Variants in CAMKMT observed in about 807,000 individuals in gnomAD.
CAMKMT encodes the protein CaM KMT.
A neutral mutation model predicts 48.0 loss-of-function variants in CAMKMT; 53 were observed. The observed-to-expected ratio is 1.10, with a 90% confidence interval of 0.89 to 1.39. The LOEUF (loss-of-function observed/expected upper bound fraction) is 1.39, where lower values mean the gene tolerates loss of function less well. Ranked by LOEUF, CAMKMT falls within the 40% of genes most tolerant of loss-of-function variation. The pLI, the probability that CAMKMT is intolerant of heterozygous loss-of-function variation, is 0.00. For missense variants in CAMKMT, 428 were observed against 402.7 expected, an observed-to-expected ratio of 1.06 and a Z score of -0.54; for synonymous variants, 165 against 152.3, an observed-to-expected ratio of 1.08 and a Z score of -0.61.
chr2:44,652,387 T>C (rs1304847310), intron 3 of CAMKMT, among the ~76,000 whole-genome samples: 1 of 152,216 alleles, frequency 6.6e-6, no homozygotes, highest in African/African-American at 2.4e-5. Context: ...ACCCCTAGCA[T>C]GTTTCCTAGG....
chr2:44,477,106 C>T (rs1466805147), intron 3 of CAMKMT, among the ~76,000 whole-genome samples: 2 of 152,096 alleles, frequency 1.3e-5, no homozygotes, highest in East Asian at 3.8e-4. Context: ...GCATGTATTA[C>T]CACATACAAT....
At chr2:44,387,921 C>T (rs926925582) in intron 2 of CAMKMT, among the ~76,000 whole-genome samples, 1 of 152,140 alleles carries the variant, frequency 6.6e-6, no homozygotes, top group Non-Finnish European at 1.5e-5. Context: ...ATAGGATTTT[C>T]TTTATAGGTT....
chr2:44,414,871 A>G (rs183025837), intron 3 of CAMKMT, among the ~76,000 whole-genome samples: 2 of 152,328 alleles, frequency 1.3e-5, no homozygotes, highest in African/African-American at 2.4e-5. Context: ...TTTTTAAAAA[A>G]TCGGCCAGGC....
intron 6 of CAMKMT, among the ~76,000 whole-genome samples, chr2:44,712,240 G>A (rs1291470693): frequency 6.6e-6 from 1 of 151,576 alleles, no homozygotes. Flanking sequence ...CTCATTTTTG[G>A]TATTCCAGCG....
At chr2:44,706,218 A>C in intron 4 of CAMKMT, 69 bp from the exon 5 acceptor site, 2 of 1,523,962 alleles carry the variant, frequency 1.3e-6, no homozygotes, top group Non-Finnish European at 1.8e-6. Flanking sequence ...TGTTCTTGTA[A>C]CATATATCTC....
At chr2:44,639,185 T>C (rs1426052824) in intron 3 of CAMKMT, among the ~76,000 whole-genome samples, 1 of 152,236 alleles carries the variant, frequency 6.6e-6, no homozygotes. Context: ...ACAAAGTTAA[T>C]TCAGGTCAGG....
At chr2:44,454,503 G>C (rs1239393466) in intron 3 of CAMKMT, among the ~76,000 whole-genome samples, 2 of 152,042 alleles carry the variant, frequency 1.3e-5, no homozygotes, top group Non-Finnish European at 2.9e-5. Flanking sequence ...CTTTGTTCAT[G>C]GGTCTTCATT....
chr2:44,746,315 A>T (rs2104378586), intron 8 of CAMKMT, among the ~76,000 whole-genome samples: 1 of 152,352 alleles, frequency 6.6e-6, no homozygotes, highest in South Asian at 2.1e-4. Context: ...TCACAAACCT[A>T]TTCCAAACCC....
chr2:44,658,450 A>G (rs1188355441), intron 3 of CAMKMT, among the ~76,000 whole-genome samples: 2 of 152,192 alleles, frequency 1.3e-5, no homozygotes, highest in Non-Finnish European at 2.9e-5. Context: ...TGGAGAGTAG[A>G]GCTGACTCTG....
chr2:44,519,005 A>G (rs1323776830), intron 3 of CAMKMT, among the ~76,000 whole-genome samples: 2 of 152,260 alleles, frequency 1.3e-5, no homozygotes, highest in East Asian at 3.8e-4. Flanking sequence ...TGTCTAAAAA[A>G]TAAACAGGTA....
intron 3 of CAMKMT, among the ~76,000 whole-genome samples, chr2:44,571,824 T>TA (rs777012896): frequency 4.6e-5 from 7 of 151,934 alleles, no homozygotes; most frequent in Non-Finnish European, 4.4e-5. Context: ...AAATAAAAAT[T>TA]AAAAACTAAA....
At chr2:44,610,197 A>G (rs1671523688) in intron 3 of CAMKMT, among the ~76,000 whole-genome samples, 1 of 152,180 alleles carries the variant, frequency 6.6e-6, no homozygotes, top group African/African-American at 2.4e-5. Flanking sequence ...GTCTCTGAGG[A>G]AAAAAGGAAA....
At chr2:44,524,038 A>G (rs1022340130) in intron 3 of CAMKMT, among the ~76,000 whole-genome samples, 6 of 152,022 alleles carry the variant, frequency 3.9e-5, no homozygotes, top group Non-Finnish European at 4.4e-5. Flanking sequence ...CGGCCTCCCA[A>G]AGTGCTGGGA....
chr2:44,397,908 T>C (rs1040385964), intron 3 of CAMKMT, among the ~76,000 whole-genome samples: 9 of 152,362 alleles, frequency 5.9e-5, no homozygotes, highest in African/African-American at 2.2e-4. Context: ...AGGTAGCTCA[T>C]GTCTTTGTCA....
intron 3 of CAMKMT, among the ~76,000 whole-genome samples, chr2:44,584,782 C>A (rs529358707): frequency 6.6e-6 from 1 of 151,936 alleles, no homozygotes; most frequent in Admixed American, 6.6e-5. Flanking sequence ...AGGCCGGGTG[C>A]GGTGGCTCAC....
At chr2:44,700,573 T>C (rs1677201133) in intron 3 of CAMKMT, among the ~76,000 whole-genome samples, 2 of 152,028 alleles carry the variant, frequency 1.3e-5, no homozygotes, top group South Asian at 2.1e-4. Context: ...GGGAGAGAGA[T>C]GGGGGAATGC....
At chr2:44,583,303 C>A (rs1162734180) in intron 3 of CAMKMT, among the ~76,000 whole-genome samples, 1 of 152,032 alleles carries the variant, frequency 6.6e-6, no homozygotes, top group Non-Finnish European at 1.5e-5. Flanking sequence ...TCAAAGAGCT[C>A]ATGATGAGAA....
intron 3 of CAMKMT, among the ~76,000 whole-genome samples, chr2:44,461,753 G>C (rs1469919957): frequency 6.6e-6 from 1 of 152,074 alleles, no homozygotes; most frequent in Admixed American, 6.5e-5. Flanking sequence ...ATGTTTTTCT[G>C]GTGCCCTAAA....
chr2:44,767,983 A>C (rs1049143359), intron 10 of CAMKMT, among the ~76,000 whole-genome samples: 9 of 152,172 alleles, frequency 5.9e-5, no homozygotes, highest in Non-Finnish European at 7.4e-5. Flanking sequence ...GACGTTCAGC[A>C]TTGTGCCTGA....
Sources: allele counts gnomAD v4.1 joint callset (sites outside exome capture counted in the v4.1 genomes callset), GRCh38; gene constraint gnomAD v4.1.1; transcripts MANE v1.5; gene names NCBI Gene and HGNC (gene_info 2026-07-23, HGNC 2026-07-21).